Variants in CRIM1 observed in about 807,000 individuals in gnomAD.
CRIM1 encodes the protein cysteine-rich motor neuron 1 protein.
A neutral mutation model predicts 116.4 loss-of-function variants in CRIM1; 32 were observed. That is an observed-to-expected ratio of 0.27 (90% CI 0.21 to 0.37). The LOEUF is 0.37. Ranked by LOEUF, CRIM1 falls within the 10% of genes least tolerant of loss-of-function variation. The pLI, the probability that CRIM1 is intolerant of heterozygous loss-of-function variation, is 1.00. For missense variants in CRIM1, 1,331 were observed against 1,354.8 expected, an observed-to-expected ratio of 0.98 and a Z score of 0.28; for synonymous variants, 590 against 509.2, an observed-to-expected ratio of 1.16 and a Z score of -2.13.
In CRIM1 at chr2:36,522,239, T is replaced by C. The variant is rs1189929993; in HGVS notation, c.2354T>C (p.Phe785Ser). 6.2e-7 allele frequency: 1 copy of C among 1,614,186 alleles called. No homozygotes were observed. The highest frequency in any genetic ancestry group is 8.5e-7 in the Non-Finnish European group (1 of 1,180,030). ...CICIDSVISCFSESCPSVSCE... is the reference protein window; with the variant it reads ...CICIDSVISCSSESCPSVSCE... The stretch of plus-strand genomic sequence containing the variant: ...TGCATTGATAGCGTAATTAGCTGTT[T>C]CTCTGAGTCCTGCCCTTCTGTATCC... Residue 785 changes from phenylalanine to serine, a missense_variant, in exon 13 of 17, where the codon TTC becomes TCC. Physicochemically the swap from Phe to Ser is radical, Grantham distance 155. This residue lies in a region of CRIM1 where 358 missense variants were observed against 436.1 expected (regional missense o/e 0.82). Coordinates refer to ENST00000280527, the MANE Select transcript of CRIM1 (RefSeq NM_016441.3).
At chr2:36,538,387 GCTCAC>G (rs1666704362) in intron 14 of CRIM1, among the ~76,000 whole-genome samples, 1 of 152,044 alleles carries the variant, frequency 6.6e-6, no homozygotes, top group South Asian at 2.1e-4. Context: ...CCAAGTGAAG[GCTCAC>G]TCTAAGATCT....
rs886802816 is a variant in CRIM1, at chr2:36,356,715, G to A, written c.331+92G>A. 1 of 1,263,544 alleles carries A rather than the reference G, an allele frequency of 7.9e-7. No individual in the cohort carries two copies. 78.3% of individuals were successfully genotyped at this position (1,263,544 alleles called of 1,614,324 possible). The stretch of plus-strand genomic sequence containing the variant: ...GAACAAAGTTTGGGCGAGACTTTCT[G>A]GAGGAAAGAGGGCTCTGCGGGAAGA... On this transcript the variant is annotated intron_variant, in intron 1 of 16. Transcript: ENST00000280527. The surrounding 1 kb of genome is among the most constrained non-coding windows in gnomAD (Gnocchi z 4.3).
chr2:36,480,382 T>C (rs1572837888), intron 7 of CRIM1, among the ~76,000 whole-genome samples: 1 of 152,340 alleles, frequency 6.6e-6, no homozygotes, highest in East Asian at 1.9e-4. Context: ...TCCATGTGTG[T>C]TAGTGCAGAC....
rs1034973682 is a variant in CRIM1 at position 36,359,165 on chromosome 2, A to G, written c.331+2542A>G. 3.9e-5 allele frequency among the ~76,000 whole-genome samples: 6 copies of G among 152,126 alleles called. No individual in the cohort carries two copies. The South Asian group carries it at 8.3e-4, about 21-fold the overall frequency. Reference sequence around the variant, plus strand: ...AACTAACATGAATAGGAATCAATATATTTTATTCATGTTGAAGTCTCTTTT... The same window carrying G: ...AACTAACATGAATAGGAATCAATATGTTTTATTCATGTTGAAGTCTCTTTT... On this transcript the variant is annotated intron_variant, in intron 1 of 16. Transcript: ENST00000280527.
At chr2:36,440,185 C>T (rs138767022) in intron 2 of CRIM1, among the ~76,000 whole-genome samples, 2 of 152,324 alleles carry the variant, frequency 1.3e-5, no homozygotes, top group East Asian at 3.9e-4. Context: ...TTAGCCAGGT[C>T]ACTTAAGCTC....
intron 14 of CRIM1, among the ~76,000 whole-genome samples, chr2:36,543,567 A>G (rs778903719): frequency 6.6e-6 from 1 of 152,154 alleles, no homozygotes; most frequent in Non-Finnish European, 1.5e-5. Flanking sequence ...ACAAACTTTT[A>G]TTGTCACATT....
intron 1 of CRIM1, among the ~76,000 whole-genome samples, chr2:36,392,154 T>G (rs895294317): frequency 5.9e-5 from 9 of 152,320 alleles, no homozygotes; most frequent in African/African-American, 1.9e-4. Flanking sequence ...GAAGTGTTGG[T>G]TTAGCAGTTT....
rs1318405505 is a variant in CRIM1, at chr2:36,548,841, G to A, written c.*140G>A. 1 of 615,550 alleles carries A rather than the reference G, an allele frequency of 1.6e-6. No individual in the cohort carries two copies. Among genetic ancestry groups the A allele is most frequent in the African/African-American group, 1.9e-5 (1 of 52,828 alleles). 38.1% of individuals were successfully genotyped at this position (615,550 alleles called of 1,614,324 possible). A position where few individuals can be genotyped will look rare whatever the true frequency, so the allele number is the denominator to read the frequency against. On this transcript the variant is annotated 3_prime_UTR_variant, in exon 17 of 17. Transcript: ENST00000280527. ...TACAGCGCTAAGACCTTACTGGGAT[G>A]GGCTCTGTCTACAGCAATGTGCAGA...
At chr2:36,431,213 TAAG>T (rs1366371182) in intron 2 of CRIM1, among the ~76,000 whole-genome samples, 2 of 152,138 alleles carry the variant, frequency 1.3e-5, no homozygotes, top group Non-Finnish European at 2.9e-5. Flanking sequence ...GGAGAAAACA[TAAG>T]AACCTGTGAG....
At chr2:36,423,138 G>A (rs530837666) in intron 2 of CRIM1, among the ~76,000 whole-genome samples, 1 of 152,250 alleles carries the variant, frequency 6.6e-6, no homozygotes, top group African/African-American at 2.4e-5. Context: ...TCATTTTAAT[G>A]TACCATAGCC....
chr2:36,521,812 T>C (rs2125130088), intron 12 of CRIM1, among the ~76,000 whole-genome samples: 1 of 152,332 alleles, frequency 6.6e-6, no homozygotes, highest in South Asian at 2.1e-4. Flanking sequence ...ATCCAAGTCC[T>C]GGGACTTCCC....
At position 36,550,037 on chromosome 2, in the gene CRIM1, ATGTATGTGTGTG is replaced by A. The variant is rs1667642894; in HGVS notation, c.*1340_*1351del. The A allele has an allele frequency of 6.9e-6, 1 of 145,670 alleles. No homozygotes were observed. The highest frequency in any genetic ancestry group is 2.2e-4 in the South Asian group (1 of 4,486). 9.0% of individuals were successfully genotyped at this position (145,670 alleles called of 1,614,324 possible). A position where few individuals can be genotyped will look rare whatever the true frequency, so the allele number is the denominator to read the frequency against. On this transcript the variant is annotated 3_prime_UTR_variant, in exon 17 of 17. Coordinates refer to ENST00000280527, the MANE Select transcript of CRIM1 (RefSeq NM_016441.3). The stretch of plus-strand genomic sequence containing the variant: ...ATTGGAAAGATGTGTGTGTGAGAGT[ATGTATGTGTGTG>A]TGTGTGTGTGTGTGTGTGCGCGCGC...
intron 13 of CRIM1, among the ~76,000 whole-genome samples, chr2:36,530,564 T>C (rs1666043777): frequency 6.6e-6 from 1 of 152,176 alleles, no homozygotes; most frequent in Non-Finnish European, 1.5e-5. Flanking sequence ...TTTTATTCCT[T>C]TGTGGCTTAG....
intron 2 of CRIM1, among the ~76,000 whole-genome samples, chr2:36,419,089 G>A (rs1226300328): frequency 6.6e-6 from 1 of 152,276 alleles, no homozygotes; most frequent in East Asian, 1.9e-4. Context: ...TTAAATGCTA[G>A]CATTTTTAAA....
Position 36,511,753 on chromosome 2 carries a change from G to A in CRIM1, c.1659-520G>A, listed in dbSNP as rs1415185310. Among the ~76,000 whole-genome samples, 6 of 152,128 alleles carry A rather than the reference G, an allele frequency of 3.9e-5. No individual in the cohort carries two copies. In the South Asian group the frequency reaches 6.2e-4, roughly 16 times the overall value. The stretch of plus-strand genomic sequence containing the variant: ...AAGAGAATTCTTGGCCAGACACCAC[G>A]TGGGAGTGTCAGGATGAAGGCAGCA... On this transcript the variant is annotated intron_variant, in intron 9 of 16. Coordinates refer to ENST00000280527, the MANE Select transcript of CRIM1 (RefSeq NM_016441.3).
chr2:36,412,552 T>C (rs1259527065), intron 2 of CRIM1, among the ~76,000 whole-genome samples: 1 of 152,214 alleles, frequency 6.6e-6, no homozygotes, highest in East Asian at 1.9e-4. Context: ...ACTTTGATGC[T>C]TCATGGATTT....
chr2:36,445,589 T>G (rs1052799145), intron 4 of CRIM1, among the ~76,000 whole-genome samples: 1 of 152,240 alleles, frequency 6.6e-6, no homozygotes, highest in Admixed American at 6.5e-5. Flanking sequence ...GGTCAGGAAT[T>G]GTGTCATCTT....
At chr2:36,447,596 G>C (rs1423832383) in intron 4 of CRIM1, among the ~76,000 whole-genome samples, 1 of 152,200 alleles carries the variant, frequency 6.6e-6, no homozygotes. Context: ...AGAAGCAGGA[G>C]AGGAAGTTGC....
At chr2:36,403,572 C>T (rs558411605) in intron 2 of CRIM1, among the ~76,000 whole-genome samples, 9 of 152,090 alleles carry the variant, frequency 5.9e-5, no homozygotes, top group South Asian at 2.1e-4. Flanking sequence ...AAAGAGAGGA[C>T]GGACAGAGAG....
Sources: gnomAD v4.1 joint callset for allele counts (sites outside exome capture counted in the v4.1 genomes callset) on GRCh38, gnomAD v4.1.1 for gene constraint, gnomAD v4.1.1 regional missense constraint, Gnocchi (gnomAD v3.1) non-coding constraint, MANE v1.5 for transcripts, NCBI Gene and HGNC (gene_info 2026-07-23, HGNC 2026-07-21) for gene names.